EYS: variants seen among roughly 807,000 people sequenced by gnomAD.
The protein encoded by EYS is protein eyes shut homolog.
Under a neutral mutation model 282.1 loss-of-function variants are expected in EYS, and 250 were observed. That is an observed-to-expected ratio of 0.89 (90% CI 0.80 to 0.98). The LOEUF (loss-of-function observed/expected upper bound fraction) is 0.98. Among genes scored for constraint, EYS ranks in the 50% least tolerant of loss-of-function variants. The pLI is 0.00. For synonymous variants in EYS, 1,355 were observed against 1,282.9 expected (o/e 1.06, Z -1.20); for missense variants, 4,016 against 3,709.0 (o/e 1.08, Z -2.15).
At chr6:63,877,321 G>A (rs181065064) in intron 35 of EYS, among the ~76,000 whole-genome samples, 95 of 152,336 alleles carry the variant, frequency 6.2e-4, no homozygotes, top group African/African-American at 1.9e-3. Context: ...GGCTTGTAGA[G>A]TTTCTGCTGA....
chr6:64,932,967 T>G (rs548584250), intron 15 of EYS, among the ~76,000 whole-genome samples: 6 of 152,208 alleles, frequency 3.9e-5, no homozygotes, highest in South Asian at 2.1e-4. Context: ...CAAGTTATGC[T>G]ATTTAAAATG....
At chr6:64,994,560 T>A (rs1182809933) in intron 14 of EYS, among the ~76,000 whole-genome samples, 2 of 152,088 alleles carry the variant, frequency 1.3e-5, no homozygotes, top group Non-Finnish European at 2.9e-5. Flanking sequence ...TCTGTTTTTT[T>A]AAGGTTATTA....
chr6:64,722,869 A>C (rs1771628529), intron 22 of EYS, among the ~76,000 whole-genome samples: 1 of 152,082 alleles, frequency 6.6e-6, no homozygotes, highest in South Asian at 2.1e-4. Context: ...TTTCTTTCAA[A>C]AAGTGACTGT....
At chr6:63,735,873 C>T (rs1035831061) in intron 41 of EYS, among the ~76,000 whole-genome samples, 1 of 152,130 alleles carries the variant, frequency 6.6e-6, no homozygotes, top group Non-Finnish European at 1.5e-5. Flanking sequence ...AGAGGCTTTA[C>T]ATCCTGTAGA....
intron 5 of EYS, among the ~76,000 whole-genome samples, chr6:65,459,391 A>G (rs1764737323): frequency 6.6e-6 from 1 of 152,106 alleles, no homozygotes; most frequent in Non-Finnish European, 1.5e-5. Context: ...TATTTTGCAC[A>G]GGTAAGCAGA....
chr6:65,501,739 G>T (rs935036933), intron 2 of EYS, among the ~76,000 whole-genome samples: 5 of 151,552 alleles, frequency 3.3e-5, no homozygotes, highest in Non-Finnish European at 5.9e-5. Flanking sequence ...AAAGTATAGA[G>T]ATTATTGTTG....
chr6:65,511,455 G>A (rs1385692822), intron 2 of EYS, among the ~76,000 whole-genome samples: 1 of 151,658 alleles, frequency 6.6e-6, no homozygotes, highest in East Asian at 1.9e-4. Flanking sequence ...CCTTCTCTTT[G>A]CTTGCTTCAT....
At chr6:65,447,992 A>C (rs569361382) in intron 5 of EYS, among the ~76,000 whole-genome samples, 1 of 152,208 alleles carries the variant, frequency 6.6e-6, no homozygotes, top group East Asian at 1.9e-4. Context: ...AAATGAATGT[A>C]AGCTAGCAGA....
At chr6:64,421,870 T>C (rs928249046) in intron 28 of EYS, among the ~76,000 whole-genome samples, 2 of 149,634 alleles carry the variant, frequency 1.3e-5, no homozygotes, top group Admixed American at 1.3e-4. Flanking sequence ...GGTGTGTGTG[T>C]GTGTGTGTGT....
At chr6:64,910,210 G>A (rs1289598416) in intron 16 of EYS, among the ~76,000 whole-genome samples, 2 of 152,078 alleles carry the variant, frequency 1.3e-5, no homozygotes, top group Non-Finnish European at 1.5e-5. Context: ...ATACTTGTGA[G>A]AATTAAATTT....
intron 14 of EYS, among the ~76,000 whole-genome samples, chr6:64,993,966 C>T (rs187328368): frequency 0.016 from 2,359 of 151,274 alleles, 59 homozygotes; most frequent in African/African-American, 0.054. Flanking sequence ...AGTTCTACTG[C>T]ACTATTTTTG....
chr6:64,571,799 A>T, intron 26 of EYS, among the ~76,000 whole-genome samples: 1 of 152,310 alleles, frequency 6.6e-6, no homozygotes, highest in Admixed American at 6.5e-5. Context: ...CCTACAACGA[A>T]AAAATGCCCA....
At chr6:64,495,635 G>T (rs908901795) in intron 26 of EYS, among the ~76,000 whole-genome samples, 3 of 151,996 alleles carry the variant, frequency 2.0e-5, no homozygotes, top group South Asian at 4.1e-4. Flanking sequence ...TGGAAACAGT[G>T]TAACAGATGG....
At chr6:65,350,306 C>A (rs1368761752) in intron 9 of EYS, among the ~76,000 whole-genome samples, 2 of 151,138 alleles carry the variant, frequency 1.3e-5, no homozygotes, top group Admixed American at 6.6e-5. Context: ...CCTATTTTCA[C>A]AAAAATCGTT....
intron 13 of EYS, among the ~76,000 whole-genome samples, chr6:65,007,298 A>T (rs13193331): frequency 1.3e-5 from 2 of 151,750 alleles, no homozygotes; most frequent in African/African-American, 4.8e-5. Context: ...GATGGGAAAC[A>T]TTTCCCCCAA....
At position 65,009,442 on chromosome 6, in the gene EYS, G is replaced by A. The variant is rs139139979; in HGVS notation, c.2138-11739C>T. 4.1e-3 allele frequency among the ~76,000 whole-genome samples: 622 copies of A among 152,140 alleles called. 15 individuals carry two copies. In the East Asian group the frequency reaches 0.066, roughly 16 times the overall value. ...CTTATACTCTGCTTTCCCAAATACC[G>A]GAGGAAGCAGAGTGGTTTACAGTCC... On this transcript the variant is annotated intron_variant, in intron 13 of 42. Transcript: ENST00000503581.
intron 13 of EYS, among the ~76,000 whole-genome samples, chr6:65,001,234 G>T (rs568284194): frequency 7.0e-6 from 1 of 142,180 alleles, no homozygotes; most frequent in African/African-American, 2.5e-5. Context: ...CTAGCGTCCC[G>T]GAAGATTCGG....
chr6:64,246,274 C>CT lies in EYS; in HGVS notation c.6192-15451dup, dbSNP rs1767019710. Reference sequence around the variant, plus strand: ...TTGGCTTATAGTAATTTATTTAGAGCTTTTTTCTCTTTGTTAGCATGAACG... The same window carrying CT: ...TTGGCTTATAGTAATTTATTTAGAGCTTTTTTTCTCTTTGTTAGCATGAACG... On this transcript the variant is annotated intron_variant, in intron 30 of 42. Coordinates refer to ENST00000503581, the MANE Select transcript of EYS (RefSeq NM_001142800.2). Among the ~76,000 whole-genome samples, 3 of 150,196 alleles carry CT rather than the reference C, an allele frequency of 2.0e-5. No homozygotes were observed. In the South Asian group the frequency reaches 6.3e-4, roughly 31 times the overall value.
intron 22 of EYS, among the ~76,000 whole-genome samples, chr6:64,761,092 A>T (rs1298158982): frequency 1.3e-5 from 2 of 152,236 alleles, no homozygotes; most frequent in Non-Finnish European, 2.9e-5. Flanking sequence ...CTCTACTTGA[A>T]TTCAGTTAGA....
Sources: allele counts gnomAD v4.1 joint callset (sites outside exome capture counted in the v4.1 genomes callset), GRCh38; gene constraint gnomAD v4.1.1; transcripts MANE v1.5; gene names NCBI Gene and HGNC (gene_info 2026-07-23, HGNC 2026-07-21).